Variants in ARHGAP26 observed in about 807,000 individuals in gnomAD.
The protein encoded by ARHGAP26 is rho GTPase-activating protein 26.
ARHGAP26 carries 38 observed loss-of-function variants against 104.8 expected under a neutral mutation model. The observed-to-expected ratio is 0.36, with a 90% CI of 0.28 to 0.48. The LOEUF (loss-of-function observed/expected upper bound fraction) is 0.48. Ranked by LOEUF, ARHGAP26 falls within the 20% of genes least tolerant of loss-of-function variation. The probability of loss-of-function intolerance (pLI) is 0.99; values close to 1 mark genes in which losing one functional copy is unlikely to be tolerated. For synonymous variants in ARHGAP26, 341 were observed against 340.0 expected, an observed-to-expected ratio of 1.00 and a Z score of -0.03; for missense variants, 704 against 947.9, an observed-to-expected ratio of 0.74 and a Z score of 3.38.
chr5:143,087,595 T>A (rs1790764922), intron 17 of ARHGAP26, among the ~76,000 whole-genome samples: 1 of 146,384 alleles, frequency 6.8e-6, no homozygotes, highest in Non-Finnish European at 1.5e-5. Context: ...CTGTTACCTA[T>A]GCCAGAATAC....
intron 1 of ARHGAP26, among the ~76,000 whole-genome samples, chr5:142,829,306 C>T (rs763684711): frequency 5.9e-5 from 9 of 152,168 alleles, no homozygotes; most frequent in Non-Finnish European, 1.2e-4. Flanking sequence ...TTCTCGAAAC[C>T]GTCTGTTTGG....
chr5:143,011,798 A>G (rs749619302), intron 11 of ARHGAP26, among the ~76,000 whole-genome samples: 1 of 152,134 alleles, frequency 6.6e-6, no homozygotes, highest in East Asian at 1.9e-4. Flanking sequence ...AAATTACACA[A>G]CCTCTATGTC....
In ARHGAP26 at chr5:143,227,360, C is replaced by G. The variant is rs1451030621; in HGVS notation, c.*4914C>G. The stretch of plus-strand genomic sequence containing the variant: ...GGCAAACTTGACAATCATCACTTAC[C>G]TCGACAACCCTGCCCCACATCACTT... On this transcript the variant is annotated 3_prime_UTR_variant, in exon 23 of 23. Transcript: ENST00000645722. The G allele has an allele frequency of 4.3e-6, 1 of 231,096 alleles. No homozygotes were observed. Among genetic ancestry groups the G allele is most frequent in the Non-Finnish European group, 8.6e-6 (1 of 116,770 alleles). The allele number at this position is 231,096 out of a possible 1,614,324, so 14.3% of individuals were successfully genotyped here.
rs147761771 is a variant in ARHGAP26 at position 143,048,606 on chromosome 5, C to T, written c.1286-5833C>T. ...TCCAGTCTGTTATCTTTTTTCTAAA[C>T]GAATTATGCCATAGAAGACCTTCCC... On this transcript the variant is annotated intron_variant, in intron 14 of 22. Transcript: ENST00000645722. Among the ~76,000 whole-genome samples, 1,354 of 150,982 alleles carry T rather than the reference C, an allele frequency of 9.0e-3. 20 individuals are homozygous for T. Among genetic ancestry groups the T allele is most frequent in the African/African-American group, 0.027 (1,123 of 41,206 alleles).
intron 20 of ARHGAP26, chr5:143,192,670 T>C (rs1159718793): frequency 6.6e-6 from 1 of 152,192 alleles, no homozygotes; most frequent in Non-Finnish European, 1.5e-5. Flanking sequence ...TGGGGCTCTA[T>C]TGTGAAACGC....
intron 17 of ARHGAP26, among the ~76,000 whole-genome samples, chr5:143,084,518 G>T (rs781062806): frequency 6.6e-6 from 1 of 152,188 alleles, no homozygotes; most frequent in African/African-American, 2.4e-5. Context: ...GATTTGGAGG[G>T]AGGCGTGTTT....
At chr5:142,815,523 T>A (rs931349339) in intron 1 of ARHGAP26, among the ~76,000 whole-genome samples, 1 of 152,270 alleles carries the variant, frequency 6.6e-6, no homozygotes, top group Non-Finnish European at 1.5e-5. Context: ...TTTTATTGGT[T>A]AAAAAAGTTT....
intron 17 of ARHGAP26, among the ~76,000 whole-genome samples, chr5:143,074,287 A>G (rs1180324424): frequency 6.6e-6 from 1 of 152,282 alleles, no homozygotes; most frequent in South Asian, 2.1e-4. Context: ...TTTTTGTCCT[A>G]CTTACAGGTA....
chr5:142,865,149 G>A lies in ARHGAP26; in HGVS notation c.155-8251G>A, dbSNP rs117827044. Among the ~76,000 whole-genome samples, 198 of 152,322 alleles carry A rather than the reference G, an allele frequency of 1.3e-3. 9 individuals are homozygous for A. In the East Asian group the frequency reaches 0.035, roughly 27 times the overall value. ...CAGTTGTTCTAAATACAGTACCTCA[G>A]TTCTCTGTGCCAGGGCTGAGCTGGG... On this transcript the variant is annotated intron_variant, in intron 1 of 22. Transcript: ENST00000645722.
chr5:143,182,889 G>A (rs921886657), intron 20 of ARHGAP26, among the ~76,000 whole-genome samples: 2 of 152,148 alleles, frequency 1.3e-5, no homozygotes, highest in African/African-American at 4.8e-5. Flanking sequence ...TGGTTTTATT[G>A]TAGTCCTCCT....
intron 1 of ARHGAP26, among the ~76,000 whole-genome samples, chr5:142,808,333 G>A (rs1023674174): frequency 7.4e-6 from 1 of 135,608 alleles, no homozygotes; most frequent in Non-Finnish European, 1.6e-5. Context: ...TTTTCTGCTT[G>A]TTAAACTCAG....
chr5:143,119,416 A>G (rs1795872896), intron 17 of ARHGAP26, among the ~76,000 whole-genome samples: 1 of 152,190 alleles, frequency 6.6e-6, no homozygotes, highest in South Asian at 2.1e-4. Flanking sequence ...TGTTGAAAGT[A>G]GTGATGTTAA....
At chr5:142,908,893 T>A (rs1598191107) in intron 9 of ARHGAP26, 1 of 167,216 alleles carries the variant, frequency 6.0e-6, no homozygotes, top group South Asian at 2.1e-4. Context: ...GTGAGTCTCC[T>A]CTGAGTGTTC....
chr5:143,214,098 T>A lies in ARHGAP26; in HGVS notation c.2191+10T>A. Reference sequence around the variant, plus strand: ...ACGGTCTTCGATAACGGTGAGTTTCTCATCCCCTCACAAAGATATGGGCGG... The same window carrying A: ...ACGGTCTTCGATAACGGTGAGTTTCACATCCCCTCACAAAGATATGGGCGG... On this transcript the variant is annotated intron_variant, in intron 22 of 22. Transcript: ENST00000645722. The A allele has an allele frequency of 2.3e-6, 2 of 855,456 alleles. No homozygotes were observed. Among genetic ancestry groups the A allele is most frequent in the Middle Eastern group, 2.6e-4 (1 of 3,774 alleles). 53.0% of individuals were successfully genotyped at this position (855,456 alleles called of 1,614,324 possible).
At chr5:142,967,911 C>G (rs950211582) in intron 11 of ARHGAP26, among the ~76,000 whole-genome samples, 4 of 152,188 alleles carry the variant, frequency 2.6e-5, no homozygotes, top group African/African-American at 9.7e-5. Context: ...GTTCCTGAAG[C>G]TTCTGGAGAG....
chr5:142,903,083 GC>G (rs1211483335), intron 7 of ARHGAP26, among the ~76,000 whole-genome samples: 1 of 152,172 alleles, frequency 6.6e-6, no homozygotes, highest in Non-Finnish European at 1.5e-5. Flanking sequence ...GTCATTGGGT[GC>G]AGGCTGACCT....
At chr5:143,006,815 C>T (rs1283980975) in intron 11 of ARHGAP26, among the ~76,000 whole-genome samples, 1 of 152,172 alleles carries the variant, frequency 6.6e-6, no homozygotes, top group Non-Finnish European at 1.5e-5. Context: ...AAAGCTTTTC[C>T]AAGTGTGGCC....
rs141809309 is a variant in ARHGAP26, at chr5:143,158,554, G to A, written c.1988+11173G>A. On this transcript the variant is annotated intron_variant, in intron 20 of 22. Coordinates refer to ENST00000645722, the MANE Select transcript of ARHGAP26 (RefSeq NM_001135608.3). ...GATTTGACTGTCATTATGGCAAAAG[G>A]GAAAAGAGCTTCTGAAAAAAAAATT... Among the ~76,000 whole-genome samples the A allele has an allele frequency of 3.3e-5, 5 of 152,236 alleles. No homozygotes were observed. The East Asian group carries it at 9.6e-4, about 29-fold the overall frequency.
intron 18 of ARHGAP26, among the ~76,000 whole-genome samples, chr5:143,131,603 A>G (rs557791865): frequency 6.6e-6 from 1 of 152,338 alleles, no homozygotes; most frequent in Admixed American, 6.5e-5. Flanking sequence ...TTGGGACACC[A>G]GCTTTTGTAG....
Sources: gnomAD v4.1 joint callset for allele counts (sites outside exome capture counted in the v4.1 genomes callset) on GRCh38, gnomAD v4.1.1 for gene constraint, MANE v1.5 for transcripts, NCBI Gene and HGNC (gene_info 2026-07-23, HGNC 2026-07-21) for gene names.